Variants in CACNB2 observed in about 807,000 individuals in gnomAD.
CACNB2 encodes the protein calcium voltage-gated channel auxiliary subunit beta 2.
In CACNB2, 42 loss-of-function variants were observed where a neutral mutation model predicts 73.3. That is an observed-to-expected ratio of 0.57 (90% CI 0.45 to 0.74). CACNB2 has a LOEUF of 0.74. CACNB2 is among the 30% of genes least tolerant of loss of function. The pLI is 0.00. For missense variants in CACNB2, 940 were observed against 853.0 expected, an observed-to-expected ratio of 1.10 and a Z score of -1.27; for synonymous variants, 348 against 310.3, an observed-to-expected ratio of 1.12 and a Z score of -1.28.
chr10:18,420,653 C>T (rs2045269121), intron 3 of CACNB2, among the ~76,000 whole-genome samples: 1 of 152,178 alleles, frequency 6.6e-6, no homozygotes, highest in Non-Finnish European at 1.5e-5. Flanking sequence ...ATGCTAATTT[C>T]ACCCCAAACA....
rs988554063 is a variant in CACNB2 at position 18,315,930 on chromosome 10, T to C, written c.214-85994T>C. Among the ~76,000 whole-genome samples, 5 of 152,252 alleles carry C rather than the reference T, an allele frequency of 3.3e-5. No individual in the cohort carries two copies. In the South Asian group the frequency reaches 1.0e-3, roughly 32 times the overall value. On this transcript the variant is annotated intron_variant, in intron 2 of 13. Coordinates refer to ENST00000324631, the MANE Select transcript of CACNB2 (RefSeq NM_201596.3). ...GTTTCCATCATAGACGTAATGAACT[T>C]CGGAGTACAGACAGTAGCAAAATCA...
intron 2 of CACNB2, among the ~76,000 whole-genome samples, chr10:18,315,630 G>A (rs2040153902): frequency 6.6e-6 from 1 of 150,772 alleles, no homozygotes; most frequent in Non-Finnish European, 1.5e-5. Context: ...GAGGTTCAAG[G>A]CTGCAGTCAG....
At chr10:18,186,168 C>T (rs2034141101) in intron 2 of CACNB2, among the ~76,000 whole-genome samples, 1 of 151,992 alleles carries the variant, frequency 6.6e-6, no homozygotes, top group South Asian at 2.1e-4. Context: ...ACCTGTAATC[C>T]CAGCACTTCG....
At chr10:18,360,868 C>T (rs1419616103) in intron 2 of CACNB2, among the ~76,000 whole-genome samples, 2 of 152,218 alleles carry the variant, frequency 1.3e-5, no homozygotes, top group Non-Finnish European at 2.9e-5. Context: ...TCCTTAGCTG[C>T]AAAACCAGTG....
chr10:18,221,420 G>A (rs2035788353), intron 2 of CACNB2, among the ~76,000 whole-genome samples: 1 of 152,182 alleles, frequency 6.6e-6, no homozygotes, highest in African/African-American at 2.4e-5. Flanking sequence ...GGCTCATGCT[G>A]GTCATGCCAG....
chr10:18,252,712 A>G (rs1322353869), intron 2 of CACNB2, among the ~76,000 whole-genome samples: 1 of 152,224 alleles, frequency 6.6e-6, no homozygotes. Flanking sequence ...GAGAGGTTTA[A>G]TTTTTATAAG....
chr10:18,281,064 G>C (rs1588926159), intron 2 of CACNB2, among the ~76,000 whole-genome samples: 1 of 152,226 alleles, frequency 6.6e-6, no homozygotes, highest in South Asian at 2.1e-4. Context: ...TTCAACCCTG[G>C]GCTATCTGAC....
chr10:18,532,144 C>G (rs1475661818), intron 10 of CACNB2, among the ~76,000 whole-genome samples: 3 of 152,116 alleles, frequency 2.0e-5, no homozygotes, highest in Non-Finnish European at 2.9e-5. Flanking sequence ...CAGAATTTGT[C>G]ATCGATTCTT....
intron 3 of CACNB2, among the ~76,000 whole-genome samples, chr10:18,413,734 T>A (rs994822114): frequency 2.6e-5 from 4 of 152,240 alleles, no homozygotes; most frequent in Non-Finnish European, 4.4e-5. Context: ...GACTTTTTGA[T>A]AAATTACAGG....
intron 3 of CACNB2, among the ~76,000 whole-genome samples, chr10:18,428,645 C>CA (rs1354266424): frequency 1.3e-5 from 2 of 150,806 alleles, no homozygotes; most frequent in African/African-American, 2.4e-5. Context: ...CAGATCACAC[C>CA]ACTGCACTTC....
chr10:18,252,784 C>T (rs939251443), intron 2 of CACNB2, among the ~76,000 whole-genome samples: 26 of 151,964 alleles, frequency 1.7e-4, no homozygotes, highest in Admixed American at 7.2e-4. Context: ...TGCAAGAAAG[C>T]GCAAGGAAAA....
chr10:18,435,793 C>A (rs759275383), intron 3 of CACNB2, among the ~76,000 whole-genome samples: 2 of 152,118 alleles, frequency 1.3e-5, no homozygotes, highest in Non-Finnish European at 2.9e-5. Context: ...AGCCACTCCA[C>A]CTGCCCCCCA....
At chr10:18,522,998 C>T (rs1460756425) in intron 9 of CACNB2, among the ~76,000 whole-genome samples, 1 of 149,624 alleles carries the variant, frequency 6.7e-6, no homozygotes, top group Non-Finnish European at 1.5e-5. Context: ...ACTTTATAAT[C>T]AAGGTCTTCT....
intron 9 of CACNB2, among the ~76,000 whole-genome samples, chr10:18,525,397 CTAGTT>C (rs1238306019): frequency 6.6e-6 from 1 of 152,020 alleles, no homozygotes; most frequent in African/African-American, 2.4e-5. Context: ...TGTTTAATTG[CTAGTT>C]TAAATGCTTA....
chr10:18,480,513 A>C (rs2048669067), intron 3 of CACNB2, among the ~76,000 whole-genome samples: 1 of 152,230 alleles, frequency 6.6e-6, no homozygotes, highest in African/African-American at 2.4e-5. Context: ...TCACAGAGCA[A>C]AATCTCTGTC....
chr10:18,406,861 G>C (rs1041955145), intron 3 of CACNB2, among the ~76,000 whole-genome samples: 1 of 152,116 alleles, frequency 6.6e-6, no homozygotes, highest in African/African-American at 2.4e-5. Flanking sequence ...GAAGTACAAA[G>C]AGGGAAGTAA....
intron 2 of CACNB2, chr10:18,401,180 A>G: frequency 6.4e-7 from 1 of 1,552,582 alleles, no homozygotes; most frequent in South Asian, 1.1e-5. Context: ...GCAGGTAGAG[A>G]GGGTGGTTTG....
At chr10:18,472,847 CCTG>C (rs2048262067) in intron 3 of CACNB2, among the ~76,000 whole-genome samples, 1 of 152,150 alleles carries the variant, frequency 6.6e-6, no homozygotes, top group Non-Finnish European at 1.5e-5. Context: ...AATGTAGCTA[CCTG>C]AGCTCACCTT....
chr10:18,272,365 C>A (rs916091244), intron 2 of CACNB2, among the ~76,000 whole-genome samples: 1 of 152,114 alleles, frequency 6.6e-6, no homozygotes, highest in African/African-American at 2.4e-5. Flanking sequence ...TTCCTCTCCC[C>A]CAAGGTTCTA....
Sources: gnomAD v4.1 joint callset for allele counts (sites outside exome capture counted in the v4.1 genomes callset) on GRCh38, gnomAD v4.1.1 for gene constraint, MANE v1.5 for transcripts, NCBI Gene and HGNC (gene_info 2026-07-23, HGNC 2026-07-21) for gene names.